ZDHHC15: variants seen among roughly 807,000 people sequenced by gnomAD.
ZDHHC15 encodes the protein palmitoyltransferase ZDHHC15.
Under a neutral mutation model 31.7 loss-of-function variants are expected in ZDHHC15, and 19 were observed. That is an observed-to-expected ratio of 0.60 (90% confidence interval 0.42 to 0.88). The LOEUF (loss-of-function observed/expected upper bound fraction) is 0.88, where lower values mean the gene tolerates loss of function less well. Among genes scored for constraint, ZDHHC15 ranks in the 40% least tolerant of loss-of-function variants. The pLI, the probability that ZDHHC15 is intolerant of heterozygous loss-of-function variation, is 0.00. For missense variants in ZDHHC15, 209 were observed against 251.2 expected (o/e 0.83, Z 1.14); for synonymous variants, 103 against 90.0 (o/e 1.14, Z -0.82).
intron 2 of ZDHHC15, among the ~76,000 whole-genome samples, chrX:75,490,522 G>C (rs780604538): frequency 9.0e-6 from 1 of 111,465 alleles, no homozygotes; most frequent in East Asian, 2.8e-4. Context: ...TTCCAATTCT[G>C]TGAAGAAAGT....
At chrX:75,465,077 T>C (rs1187347422) in intron 3 of ZDHHC15, among the ~76,000 whole-genome samples, 1 of 112,396 alleles carries the variant, frequency 8.9e-6, no homozygotes, top group African/African-American at 3.2e-5. Flanking sequence ...GCTCAAAAGC[T>C]TCTGAAGCTA....
intron 1 of ZDHHC15, among the ~76,000 whole-genome samples, chrX:75,508,249 A>C (rs2085199621): frequency 9.6e-6 from 1 of 103,891 alleles, no homozygotes. Flanking sequence ...GCACCCATTA[A>C]CTCGTCATTT....
Position 75,496,064 on chromosome X carries a change from A to C in ZDHHC15, c.163+9757T>G, listed in dbSNP as rs2084992555. 3.6e-5 allele frequency among the ~76,000 whole-genome samples: 4 copies of C among 111,193 alleles called. No individual in the cohort carries two copies. The South Asian group carries it at 1.5e-3, about 42-fold the overall frequency. On this transcript the variant is annotated intron_variant, in intron 2 of 11. Transcript: ENST00000373367. ...CTATTTAGAAGATACAGAATGGCAG[A>C]ATGGAGAAAAATCTACCACTCAAGT...
At chrX:75,453,144 A>G (rs1459180377) in intron 3 of ZDHHC15, among the ~76,000 whole-genome samples, 2 of 111,738 alleles carry the variant, frequency 1.8e-5, no homozygotes, top group Admixed American at 1.9e-4. Flanking sequence ...CTAGACTGCT[A>G]GCAAGACTAA....
At position 75,372,295 on chromosome X, in the gene ZDHHC15, G is replaced by A. The variant is rs750596447; in HGVS notation, c.*683C>T. The A allele has an allele frequency of 8.9e-6, 1 of 111,887 alleles. No homozygotes were observed. The highest frequency in any genetic ancestry group is 1.9e-5 in the Non-Finnish European group (1 of 53,152). 9.2% of individuals were successfully genotyped at this position (111,887 alleles called of 1,213,427 possible). On this transcript the variant is annotated 3_prime_UTR_variant, in exon 12 of 12. Transcript: ENST00000373367. ...CTGTGGTGCTTTCAGGAACATTTGT[G>A]ACAGAACAGGTTTTACATTGTTGTT...
intron 3 of ZDHHC15, among the ~76,000 whole-genome samples, chrX:75,469,896 GT>G (rs371487935): frequency 4.5e-5 from 5 of 111,564 alleles, no homozygotes; most frequent in Admixed American, 1.9e-4. Flanking sequence ...CTGTTTTACA[GT>G]TTTTTTTATA....
intron 10 of ZDHHC15, among the ~76,000 whole-genome samples, chrX:75,412,322 C>T (rs754261186): frequency 2.1e-4 from 24 of 111,903 alleles, no homozygotes; most frequent in African/African-American, 7.5e-4. Flanking sequence ...ATCTGCAATC[C>T]CATGTTTACC....
intron 4 of ZDHHC15, among the ~76,000 whole-genome samples, chrX:75,449,606 C>T (rs924513491): frequency 8.0e-5 from 9 of 111,974 alleles, no homozygotes; most frequent in African/African-American, 2.9e-4. Context: ...TATATTATTG[C>T]TCTAACAAAA....
chrX:75,377,234 G>T (rs1016398863), intron 11 of ZDHHC15, among the ~76,000 whole-genome samples: 1 of 110,858 alleles, frequency 9.0e-6, no homozygotes, highest in Non-Finnish European at 1.9e-5. Flanking sequence ...GGCCCGGCAC[G>T]GTGGCTAATC....
rs775743834 is a variant in ZDHHC15, at chrX:75,394,978, T to TA, written c.968-15781dup. On this transcript the variant is annotated intron_variant, in intron 10 of 11. Coordinates refer to ENST00000373367, the MANE Select transcript of ZDHHC15 (RefSeq NM_144969.3). ...AGACCATATGTTAGATGACAAGTGTTAAAAAAATTTAACAAGTGAAATAAT... is the reference window on the plus strand; with the variant it reads ...AGACCATATGTTAGATGACAAGTGTTAAAAAAAATTTAACAAGTGAAATAAT... Among the ~76,000 whole-genome samples, 5 of 112,256 alleles carry TA rather than the reference T, an allele frequency of 4.5e-5. No individual in the cohort carries two copies. In the South Asian group the frequency reaches 1.9e-3, roughly 42 times the overall value.
chrX:75,473,667 C>T (rs927642499), intron 3 of ZDHHC15, among the ~76,000 whole-genome samples: 4 of 111,409 alleles, frequency 3.6e-5, no homozygotes, highest in Non-Finnish European at 7.5e-5. Context: ...AAAGAATATG[C>T]ATGTAATACA....
At chrX:75,515,447 G>A (rs752181760) in intron 1 of ZDHHC15, among the ~76,000 whole-genome samples, 20 of 110,968 alleles carry the variant, frequency 1.8e-4, no homozygotes, top group Admixed American at 3.8e-4. Context: ...ATCAATAAAC[G>A]TAGTCCATCA....
At chrX:75,390,635 C>A (rs186933097) in intron 10 of ZDHHC15, among the ~76,000 whole-genome samples, 26 of 111,760 alleles carry the variant, frequency 2.3e-4, no homozygotes, top group African/African-American at 7.5e-4. Context: ...GCAAGAGCCA[C>A]AGCATTACTG....
At chrX:75,499,864 T>C (rs1010541913) in intron 2 of ZDHHC15, among the ~76,000 whole-genome samples, 1 of 111,538 alleles carries the variant, frequency 9.0e-6, no homozygotes, top group Admixed American at 9.6e-5. Flanking sequence ...CAATTCACAA[T>C]TGCAAAAATA....
At chrX:75,507,513 T>A (rs760002231) in intron 1 of ZDHHC15, among the ~76,000 whole-genome samples, 1 of 111,903 alleles carries the variant, frequency 8.9e-6, no homozygotes, top group South Asian at 3.7e-4. Flanking sequence ...GAGGCTAGAA[T>A]ATTTCAGTCA....
intron 3 of ZDHHC15, among the ~76,000 whole-genome samples, chrX:75,460,803 T>C (rs979172516): frequency 2.7e-5 from 3 of 111,466 alleles, no homozygotes; most frequent in East Asian, 2.8e-4. Context: ...ACCTCAAACA[T>C]TGAAGATAGA....
intron 2 of ZDHHC15, among the ~76,000 whole-genome samples, chrX:75,489,375 C>A (rs58559959): frequency 0.18 from 19,963 of 110,669 alleles, 1,966 homozygotes; most frequent in East Asian, 0.85. Context: ...CATGGCAGGG[C>A]ACTCCTATGA....
At chrX:75,516,561 C>T (rs1236304174) in intron 1 of ZDHHC15, among the ~76,000 whole-genome samples, 2 of 112,226 alleles carry the variant, frequency 1.8e-5, no homozygotes, top group African/African-American at 6.5e-5. Flanking sequence ...GGATCCCTTC[C>T]TTACACCTTA....
chrX:75,497,879 G>A (rs1242035665), intron 2 of ZDHHC15, among the ~76,000 whole-genome samples: 1 of 110,060 alleles, frequency 9.1e-6, no homozygotes, highest in Non-Finnish European at 1.9e-5. Context: ...TACACTGAAT[G>A]GGGAAAAGCT....
Sources: allele counts gnomAD v4.1 joint callset (sites outside exome capture counted in the v4.1 genomes callset), GRCh38; gene constraint gnomAD v4.1.1; transcripts MANE v1.5; gene names NCBI Gene and HGNC (gene_info 2026-07-23, HGNC 2026-07-21).